The following AGMO variants were observed in gnomAD, a reference collection of about 807,000 sequenced individuals.
The protein encoded by AGMO is alkylglycerol monooxygenase, also known as glyceryl-ether monooxygenase.
A neutral mutation model predicts 60.2 loss-of-function variants in AGMO; 75 were observed. The ratio of observed to expected loss-of-function variants is 1.25; its 90% CI spans 1.03 to 1.51. The LOEUF (loss-of-function observed/expected upper bound fraction) is 1.51, where lower values mean the gene tolerates loss of function less well. Among genes scored for constraint, AGMO ranks in the 40% most tolerant of loss-of-function variants. The pLI, the probability that AGMO is intolerant of heterozygous loss-of-function variation, is 0.00. For synonymous variants in AGMO, 261 were observed against 177.1 expected (o/e 1.47, Z -3.76); for missense variants, 763 against 525.5 (o/e 1.45, Z -4.42).
chr7:15,275,837 C>G (rs1783770478), intron 12 of AGMO, among the ~76,000 whole-genome samples: 2 of 151,674 alleles, frequency 1.3e-5, no homozygotes, highest in Non-Finnish European at 2.9e-5. Context: ...TATGTTTTAT[C>G]TGATATAATA....
chr7:15,473,025 A>G (rs997310377), intron 3 of AGMO, among the ~76,000 whole-genome samples: 6 of 151,962 alleles, frequency 3.9e-5, no homozygotes, highest in Non-Finnish European at 7.4e-5. Context: ...AATATCAAGA[A>G]ATATCAACAA....
the AGMO span, among the ~76,000 whole-genome samples, chr7:15,186,819 T>C: frequency 6.6e-6 from 1 of 152,146 alleles, no homozygotes; most frequent in Non-Finnish European, 1.5e-5. Context: ...CCACTTCTGG[T>C]GGTCCCGGCG....
At chr7:15,272,166 G>A (rs1300604293) in intron 12 of AGMO, among the ~76,000 whole-genome samples, 2 of 151,726 alleles carry the variant, frequency 1.3e-5, no homozygotes, top group African/African-American at 4.8e-5. Context: ...AAGTTCTAGG[G>A]TAAATGTGCA....
chr7:15,247,909 C>G (rs1402781957), intron 12 of AGMO, among the ~76,000 whole-genome samples: 1 of 151,414 alleles, frequency 6.6e-6, no homozygotes, highest in African/African-American at 2.4e-5. Context: ...ATAAAGTACA[C>G]AGAGGATGAA....
intron 12 of AGMO, among the ~76,000 whole-genome samples, chr7:15,296,836 G>A (rs1283874000): frequency 6.6e-6 from 1 of 152,044 alleles, no homozygotes; most frequent in African/African-American, 2.4e-5. Context: ...TTAGCTGAGC[G>A]GAAATTTGTC....
chr7:15,434,349 G>A (rs1370013663), intron 3 of AGMO, among the ~76,000 whole-genome samples: 1 of 152,104 alleles, frequency 6.6e-6, no homozygotes, highest in African/African-American at 2.4e-5. Flanking sequence ...TCCTACCTTT[G>A]AGTGTGAGCC....
chr7:15,253,672 G>T (rs1172711615), intron 12 of AGMO, among the ~76,000 whole-genome samples: 1 of 152,064 alleles, frequency 6.6e-6, no homozygotes, highest in African/African-American at 2.4e-5. Flanking sequence ...TCCATCACCA[G>T]AAACGTTTAT....
chr7:15,237,485 T>A (rs1436252646), intron 12 of AGMO, among the ~76,000 whole-genome samples: 1 of 151,684 alleles, frequency 6.6e-6, no homozygotes, highest in African/African-American at 2.4e-5. Flanking sequence ...ACCTAGAGAG[T>A]GTTTTTTTTT....
chr7:15,276,498 G>C (rs1281273526), intron 12 of AGMO, among the ~76,000 whole-genome samples: 1 of 151,978 alleles, frequency 6.6e-6, no homozygotes, highest in East Asian at 1.9e-4. Flanking sequence ...TGAATAATCT[G>C]ATGACTGTTT....
At chr7:15,304,739 G>C (rs1780561309) in intron 12 of AGMO, among the ~76,000 whole-genome samples, 1 of 151,994 alleles carries the variant, frequency 6.6e-6, no homozygotes, top group Non-Finnish European at 1.5e-5. Flanking sequence ...CTGCATGAAT[G>C]GAGATGAAAT....
At chr7:15,431,398 TGCTAACATATTATAATA>T (rs1368191001) in intron 3 of AGMO, among the ~76,000 whole-genome samples, 1 of 151,894 alleles carries the variant, frequency 6.6e-6, no homozygotes, top group Admixed American at 6.6e-5. Context: ...AGTTATACTT[TGCTAACATATTATAATA>T]TGACAGATTA....
At chr7:15,330,101 T>C (rs1222080208) in intron 12 of AGMO, among the ~76,000 whole-genome samples, 1 of 152,226 alleles carries the variant, frequency 6.6e-6, no homozygotes, top group African/African-American at 2.4e-5. Context: ...ATATATAAAA[T>C]GATTTCTTAA....
intron 12 of AGMO, among the ~76,000 whole-genome samples, chr7:15,335,191 G>A (rs1781618497): frequency 6.6e-6 from 1 of 152,174 alleles, no homozygotes; most frequent in Admixed American, 6.6e-5. Context: ...TGAGTTTTCA[G>A]TGGGTTAGGA....
rs181957887 is a variant in AGMO, at chr7:15,427,220, T to C, written c.513+3785A>G. On this transcript the variant is annotated intron_variant, in intron 4 of 12. Coordinates refer to ENST00000342526, the MANE Select transcript of AGMO (RefSeq NM_001004320.2). The stretch of plus-strand genomic sequence containing the variant: ...TAATATTTTTTCTATAGTAGATACA[T>C]AATGTATAGTGGCTCTGAGTATAAG... Among the ~76,000 whole-genome samples the C allele has an allele frequency of 1.2e-4, 18 of 152,320 alleles. No individual in the cohort carries two copies. In the Middle Eastern group the frequency reaches 0.01, roughly 86 times the overall value.
At chr7:15,425,908 C>T (rs1251120963) in intron 4 of AGMO, among the ~76,000 whole-genome samples, 3 of 152,184 alleles carry the variant, frequency 2.0e-5, no homozygotes, top group Non-Finnish European at 4.4e-5. Context: ...AATTCACTCA[C>T]TCTAGTAATT....
At chr7:15,555,330 C>CAA (rs1785104926) in intron 2 of AGMO, among the ~76,000 whole-genome samples, 1 of 141,950 alleles carries the variant, frequency 7.0e-6, no homozygotes, top group Non-Finnish European at 1.5e-5. Flanking sequence ...CACACACACA[C>CAA]ACACACATAT....
chr7:15,449,630 G>T (rs1340016463), intron 3 of AGMO, among the ~76,000 whole-genome samples: 1 of 152,136 alleles, frequency 6.6e-6, no homozygotes, highest in Non-Finnish European at 1.5e-5. Flanking sequence ...ATACCATCTA[G>T]GTTTGTGTAA....
chr7:15,336,087 A>T (rs1448190945), intron 12 of AGMO, among the ~76,000 whole-genome samples: 1 of 152,146 alleles, frequency 6.6e-6, no homozygotes, highest in Admixed American at 6.6e-5. Context: ...AGGCTAATTC[A>T]ACTACTACTA....
At chr7:15,496,045 T>A (rs1439726751) in intron 3 of AGMO, among the ~76,000 whole-genome samples, 1 of 152,018 alleles carries the variant, frequency 6.6e-6, no homozygotes, top group Non-Finnish European at 1.5e-5. Flanking sequence ...AAATACTCAG[T>A]CCATAACATC....
Sources: allele counts gnomAD v4.1 joint callset (sites outside exome capture counted in the v4.1 genomes callset), GRCh38; gene constraint gnomAD v4.1.1; transcripts MANE v1.5; gene names NCBI Gene and HGNC (gene_info 2026-07-23, HGNC 2026-07-21).